The following GRPEL1 variants were observed in gnomAD, a reference collection of about 807,000 sequenced individuals.
GRPEL1 encodes the protein grpE protein homolog 1, mitochondrial.
Under a neutral mutation model 22.1 loss-of-function variants are expected in GRPEL1, and 13 were observed. That is an observed-to-expected ratio of 0.59 (90% confidence interval 0.38 to 0.94). GRPEL1 has a LOEUF of 0.94. Ranked by LOEUF, GRPEL1 falls within the 40% of genes least tolerant of loss-of-function variation. The pLI is 0.00. For synonymous variants in GRPEL1, 109 were observed against 105.3 expected (o/e 1.03, Z -0.21); for missense variants, 289 against 264.6 (o/e 1.09, Z -0.64).
At chr4:7,064,356 T>C in intron 1 of GRPEL1, 133 bp from the exon 2 acceptor site, 1 of 851,916 alleles carries the variant, frequency 1.2e-6, no homozygotes. Flanking sequence ...TTCTGTTAGA[T>C]CTAATAAAGG....
rs182069980 is a variant in GRPEL1 at position 7,060,711 on chromosome 4, G to A, written c.*151C>T. ...CGAATTAGAGTTCATTAATGCAGTTGGGCAACCGGCTTTTCTGTTTAGCCA... is the reference window on the plus strand; with the variant it reads ...CGAATTAGAGTTCATTAATGCAGTTAGGCAACCGGCTTTTCTGTTTAGCCA... On this transcript the variant is annotated 3_prime_UTR_variant, in exon 4 of 4. Coordinates refer to ENST00000264954, the MANE Select transcript of GRPEL1 (RefSeq NM_025196.4). 2.5e-5 allele frequency: 18 copies of A among 711,242 alleles called. No homozygotes were observed. In the Middle Eastern group the frequency reaches 1.2e-3, roughly 48 times the overall value. 44.1% of individuals were successfully genotyped at this position (711,242 alleles called of 1,614,324 possible). A position where few individuals can be genotyped will look rare whatever the true frequency, so the allele number is the denominator to read the frequency against.
chr4:7,067,886 A>G (rs1053624356), intron 1 of GRPEL1, 85 bp downstream of exon 1: 11 of 1,389,012 alleles, frequency 7.9e-6, no homozygotes, highest in Non-Finnish European at 1.1e-5. Context: ...GAGGCCGGGA[A>G]GGAGGCCCCG....
rs1214905419 is a variant in GRPEL1 at position 7,059,158 on chromosome 4, A to G, written c.*1704T>C. Reference sequence around the variant, plus strand: ...CCCTGTGGTTAAGCCATGCTTGACTATATTCCAAAATCCGAAAACCCCCCA... The same window carrying G: ...CCCTGTGGTTAAGCCATGCTTGACTGTATTCCAAAATCCGAAAACCCCCCA... On this transcript the variant is annotated 3_prime_UTR_variant, in exon 4 of 4. Coordinates refer to ENST00000264954, the MANE Select transcript of GRPEL1 (RefSeq NM_025196.4). The G allele has an allele frequency of 6.6e-6, 1 of 152,258 alleles. No individual in the cohort carries two copies. The highest frequency in any genetic ancestry group is 2.4e-5 in the African/African-American group (1 of 41,462). The allele number at this position is 152,258 out of a possible 1,614,324, so 9.4% of individuals were successfully genotyped here. A position where few individuals can be genotyped will look rare whatever the true frequency, so the allele number is the denominator to read the frequency against.
intron 3 of GRPEL1, 110 bp from the exon 4 acceptor site, chr4:7,061,318 A>G: frequency 3.7e-6 from 3 of 807,406 alleles, no homozygotes. Context: ...TTGTCAAATC[A>G]ATCGCCTCAG....
intron 1 of GRPEL1, among the ~76,000 whole-genome samples, chr4:7,066,915 A>G (rs1724182396): frequency 6.6e-6 from 1 of 152,242 alleles, no homozygotes; most frequent in Non-Finnish European, 1.5e-5. Context: ...CTTGGTGGTC[A>G]CTTTCCTGGC....
chr4:7,062,748 G>A (rs992575429), intron 2 of GRPEL1, among the ~76,000 whole-genome samples: 1 of 152,136 alleles, frequency 6.6e-6, no homozygotes, highest in Middle Eastern at 3.4e-3. Flanking sequence ...TCCTGACCTT[G>A]TGATCCGACC....
rs1350072741 is a variant in GRPEL1 at position 7,059,462 on chromosome 4, G to A, written c.*1400C>T. On this transcript the variant is annotated 3_prime_UTR_variant, in exon 4 of 4. Transcript: ENST00000264954. The stretch of plus-strand genomic sequence containing the variant: ...TCACAACCCCACAGCGTGAAAACAG[G>A]CAGCGCTGGAGCTCCCAGTCATGTT... The A allele has an allele frequency of 2.6e-5, 4 of 152,202 alleles. No homozygotes were observed. Among genetic ancestry groups the A allele is most frequent in the Admixed American group, 2.6e-4 (4 of 15,282 alleles). The allele number at this position is 152,202 out of a possible 1,614,324, so 9.4% of individuals were successfully genotyped here.
chr4:7,058,994 C>T lies in GRPEL1; in HGVS notation c.*1868G>A, dbSNP rs962237429. On this transcript the variant is annotated 3_prime_UTR_variant, in exon 4 of 4. Transcript: ENST00000264954. The stretch of plus-strand genomic sequence containing the variant: ...TACAGTATCAGTACAGTAACGTGCC[C>T]TCCAGTCTAGAGCAACAGGCTACAT... 1 of 152,164 alleles carries T rather than the reference C, an allele frequency of 6.6e-6. No homozygotes were observed. Among genetic ancestry groups the T allele is most frequent in the East Asian group, 1.9e-4 (1 of 5,190 alleles). The allele number at this position is 152,164 out of a possible 1,614,324, so 9.4% of individuals were successfully genotyped here.
Position 7,061,049 on chromosome 4 carries a change from G to A in GRPEL1, c.467C>T (p.Thr156Ile). The part of the protein sequence containing the change: ...MTEVQIQKVF[T>I]KHGLLKLNPV... ...GTTCAACTTGAGCAAGCCATGCTTT[G>A]TGAACACCTTCTGGATCTGGACTTC... Residue 156 changes from threonine to isoleucine, a missense_variant, in exon 4 of 4, where the codon ACA (threonine) becomes ATA (isoleucine). Transcript: ENST00000264954. 6.2e-7 allele frequency: 1 copy of A among 1,614,178 alleles called. No homozygotes were observed.
chr4:7,062,660 T>C (rs948889550), intron 2 of GRPEL1, among the ~76,000 whole-genome samples, 194 bp from the exon 3 acceptor site: 7 of 151,776 alleles, frequency 4.6e-5, no homozygotes, highest in African/African-American at 7.3e-5. Context: ...TACAGGCGCC[T>C]GCCACCACGC....
intron 3 of GRPEL1, 25 bp from the exon 4 acceptor site, chr4:7,061,233 T>A: frequency 6.4e-7 from 1 of 1,574,632 alleles, no homozygotes; most frequent in Non-Finnish European, 8.6e-7. Context: ...AGAAGATCAT[T>A]TGCACTCCAT....
At chr4:7,061,314 A>G in intron 3 of GRPEL1, 106 bp from the exon 4 acceptor site, 1 of 824,956 alleles carries the variant, frequency 1.2e-6, no homozygotes, top group Non-Finnish European at 1.9e-6. Context: ...TAACTTGTCA[A>G]ATCAATCGCC....
intron 3 of GRPEL1, chr4:7,061,927 G>C (rs1724050445): frequency 6.5e-6 from 1 of 152,836 alleles, no homozygotes; most frequent in Admixed American, 6.5e-5. Context: ...CAACCAGCCT[G>C]TGGAGCTGGG....
At chr4:7,063,059 T>A (rs1432591569) in intron 2 of GRPEL1, among the ~76,000 whole-genome samples, 1 of 152,006 alleles carries the variant, frequency 6.6e-6, no homozygotes, top group Non-Finnish European at 1.5e-5. Context: ...ATATTCCTCA[T>A]GTCTCACCAC....
intron 1 of GRPEL1, chr4:7,067,642 G>A: frequency 2.5e-6 from 1 of 401,000 alleles, no homozygotes; most frequent in Non-Finnish European, 4.5e-6. Context: ...CGCCGAGACC[G>A]TGAATGCGCG....
chr4:7,062,505 TATATATATA>T (rs768208574), intron 2 of GRPEL1, 39 bp from the exon 3 acceptor site: 27 of 595,910 alleles, frequency 4.5e-5, no homozygotes, highest in South Asian at 8.1e-5. Flanking sequence ...TATATATATA[TATATATATA>T]TCTTTTTTTT....
chr4:7,062,679 T>C (rs1053141622), intron 2 of GRPEL1, among the ~76,000 whole-genome samples: 9 of 151,582 alleles, frequency 5.9e-5, no homozygotes, highest in Non-Finnish European at 1.3e-4. Context: ...GCCCAGCTAA[T>C]TTTTTTGTAT....
rs114167052 is a variant in GRPEL1 at position 7,066,550 on chromosome 4, C to A, written c.62+1421G>T. Among the ~76,000 whole-genome samples, 468 of 152,288 alleles carry A rather than the reference C, an allele frequency of 3.1e-3. 6 individuals are homozygous for A. Among genetic ancestry groups the A allele is most frequent in the African/African-American group, 0.011 (458 of 41,566 alleles). ...TGCCATGGGGGTGGAGAGCGATGACCATTTTATATTTTTACTCTTGTGAAT... is the reference window on the plus strand; with the variant it reads ...TGCCATGGGGGTGGAGAGCGATGACAATTTTATATTTTTACTCTTGTGAAT... On this transcript the variant is annotated intron_variant, in intron 1 of 3. Coordinates refer to ENST00000264954, the MANE Select transcript of GRPEL1 (RefSeq NM_025196.4).
intron 1 of GRPEL1, 150 bp downstream of exon 1, chr4:7,067,821 G>T (rs901100153): frequency 2.6e-6 from 2 of 774,438 alleles, no homozygotes; most frequent in African/African-American, 1.8e-5. Flanking sequence ...CCAGCGGGGC[G>T]GTCCGCGTCC....
Sources: allele counts gnomAD v4.1 joint callset (sites outside exome capture counted in the v4.1 genomes callset), GRCh38; gene constraint gnomAD v4.1.1; transcripts MANE v1.5; gene names NCBI Gene and HGNC (gene_info 2026-07-23, HGNC 2026-07-21).